MAGED1: variants seen among roughly 807,000 people sequenced by gnomAD.
MAGED1 encodes the protein melanoma-associated antigen D1.
Under a neutral mutation model 54.1 loss-of-function variants are expected in MAGED1, and 3 were observed. The ratio of observed to expected loss-of-function variants is 0.06; its 90% confidence interval spans 0.03 to 0.14. The LOEUF (loss-of-function observed/expected upper bound fraction) is 0.14, where lower values mean the gene tolerates loss of function less well. Among genes scored for constraint, MAGED1 ranks in the 10% least tolerant of loss-of-function variants. MAGED1 has a pLI of 1.00. For missense variants in MAGED1, 485 were observed against 623.4 expected (o/e 0.78, Z 2.36); for synonymous variants, 217 against 227.3 (o/e 0.95, Z 0.41).
intron 1 of MAGED1, among the ~76,000 whole-genome samples, chrX:51,805,518 G>A (rs1371560778): frequency 2.7e-5 from 3 of 110,085 alleles, no homozygotes; most frequent in Admixed American, 9.8e-5. Context: ...GACAATCCGG[G>A]TATAGAAATT....
chrX:51,842,554 A>C (rs1165233655), intron 1 of MAGED1, among the ~76,000 whole-genome samples: 1 of 111,842 alleles, frequency 8.9e-6, no homozygotes, highest in Non-Finnish European at 1.9e-5. Context: ...CTATGAGATG[A>C]GGTCAGGCTA....
chrX:51,898,420 G>A (rs782529572), intron 9 of MAGED1, 93 bp downstream of exon 9: 2 of 1,083,787 alleles, frequency 1.8e-6, no homozygotes, highest in African/African-American at 3.7e-5. Context: ...GGGTCTGGAG[G>A]GTTTGGTTTG....
intron 1 of MAGED1, among the ~76,000 whole-genome samples, chrX:51,858,525 T>A (rs782554879): frequency 8.9e-6 from 1 of 112,176 alleles, no homozygotes; most frequent in South Asian, 3.7e-4. Flanking sequence ...AAAGATTTCA[T>A]TAATAACAAA....
intron 1 of MAGED1, among the ~76,000 whole-genome samples, chrX:51,814,273 C>T (rs1402134283): frequency 3.6e-5 from 4 of 111,616 alleles, no homozygotes; most frequent in African/African-American, 9.8e-5. Context: ...CTGCTGCTGC[C>T]GCTGCCGCTG....
chrX:51,843,118 T>C (rs782639180), intron 1 of MAGED1, among the ~76,000 whole-genome samples: 27 of 112,048 alleles, frequency 2.4e-4, no homozygotes, highest in African/African-American at 8.7e-4. Flanking sequence ...TTGTTGTCAA[T>C]TGAACACATT....
At chrX:51,822,731 A>G (rs1004579966) in intron 1 of MAGED1, among the ~76,000 whole-genome samples, 1 of 111,108 alleles carries the variant, frequency 9.0e-6, no homozygotes, top group Non-Finnish European at 1.9e-5. Context: ...TTGGTTTGCT[A>G]GTATTTTGTT....
intron 1 of MAGED1, among the ~76,000 whole-genome samples, chrX:51,837,646 C>T (rs1163268630): frequency 8.9e-6 from 1 of 112,021 alleles, no homozygotes; most frequent in African/African-American, 3.2e-5. Flanking sequence ...TATTATATGC[C>T]ATCTTTCAAA....
At chrX:51,824,862 CTGTG>C (rs58934297) in intron 1 of MAGED1, among the ~76,000 whole-genome samples, 812 of 72,630 alleles carry the variant, frequency 0.011, 6 homozygotes, top group Middle Eastern at 0.09. Flanking sequence ...TCTCAGAAAC[CTGTG>C]TGTGTGTGTG....
At chrX:51,819,460 G>A (rs1230255877) in intron 1 of MAGED1, among the ~76,000 whole-genome samples, 1 of 109,714 alleles carries the variant, frequency 9.1e-6, no homozygotes, top group South Asian at 4.0e-4. Flanking sequence ...CAGTCTCAAC[G>A]TCTAACCTAA....
chrX:51,836,737 A>G (rs1284086419), intron 1 of MAGED1, among the ~76,000 whole-genome samples: 4 of 109,301 alleles, frequency 3.7e-5, no homozygotes, highest in African/African-American at 1.3e-4. Context: ...ACGCCCGGCT[A>G]GTTTTTTTTG....
At chrX:51,829,527 AT>A (rs782552137) in intron 1 of MAGED1, among the ~76,000 whole-genome samples, 250 of 110,691 alleles carry the variant, frequency 2.3e-3, no homozygotes, top group Middle Eastern at 9.3e-3. Context: ...CAAAACTTTA[AT>A]TTTTAAAAAA....
Position 51,896,345 on chromosome X carries a change from T to C in MAGED1, c.754-64T>C, listed in dbSNP as rs1292511044. On this transcript the variant is annotated intron_variant, in intron 3 of 12. Coordinates refer to ENST00000326587, the MANE Select transcript of MAGED1 (RefSeq NM_006986.4). ...CAGGTGAGGGTTTAGAGGGCATTCC[T>C]GGAATAGATAAGGTGAGGACACAGA... The C allele has an allele frequency of 1.2e-5, 12 of 1,020,503 alleles. No individual in the cohort carries two copies. In the Admixed American group the frequency reaches 3.1e-4, roughly 26 times the overall value. 84.1% of individuals were successfully genotyped at this position (1,020,503 alleles called of 1,213,427 possible).
intron 1 of MAGED1, among the ~76,000 whole-genome samples, chrX:51,846,077 G>A (rs945962140): frequency 1.8e-5 from 2 of 111,615 alleles, no homozygotes; most frequent in Non-Finnish European, 3.8e-5. Flanking sequence ...TGCCCGGCCC[G>A]ATGTGAATCT....
In MAGED1 at chrX:51,848,407, G is replaced by A. The variant is rs782679333; in HGVS notation, c.-37+45290G>A. Among the ~76,000 whole-genome samples, 10 of 111,742 alleles carry A rather than the reference G, an allele frequency of 8.9e-5. No individual in the cohort carries two copies. The South Asian group carries it at 3.7e-3, about 42-fold the overall frequency. ...AGGATTCACAGAACTTACAAAAGCTGTTATACTCATGGTTACAATTTATTA... is the reference window on the plus strand; with the variant it reads ...AGGATTCACAGAACTTACAAAAGCTATTATACTCATGGTTACAATTTATTA... On this transcript the variant is annotated intron_variant, in intron 1 of 12. Coordinates refer to the MAGED1 transcript ENST00000375772.
chrX:51,859,082 G>A (rs1315063129), intron 1 of MAGED1, among the ~76,000 whole-genome samples: 1 of 110,971 alleles, frequency 9.0e-6, no homozygotes, highest in Non-Finnish European at 1.9e-5. Context: ...CCACCTTCTA[G>A]CTGTGTGACT....
chrX:51,886,799 A>C (rs1928248916), intron 1 of MAGED1, among the ~76,000 whole-genome samples: 2 of 111,530 alleles, frequency 1.8e-5, no homozygotes, highest in Non-Finnish European at 3.8e-5. Flanking sequence ...TCACACTTGT[A>C]ATCCCAGCAC....
chrX:51,825,424 A>G (rs1925820811), intron 1 of MAGED1, among the ~76,000 whole-genome samples: 1 of 112,361 alleles, frequency 8.9e-6, no homozygotes, highest in South Asian at 3.7e-4. Context: ...AAAATAGAAT[A>G]CTTGTTCAAA....
intron 1 of MAGED1, among the ~76,000 whole-genome samples, chrX:51,863,495 C>T (rs1169828951): frequency 6.3e-5 from 7 of 111,604 alleles, no homozygotes; most frequent in Non-Finnish European, 1.3e-4. Flanking sequence ...GGATATACAC[C>T]CAGAAGTGGA....
chrX:51,835,421 A>AT (rs1229183110), intron 1 of MAGED1, among the ~76,000 whole-genome samples: 3 of 110,997 alleles, frequency 2.7e-5, no homozygotes, highest in African/African-American at 9.8e-5. Context: ...CTCAAAGTAT[A>AT]TTTTTTATGG....
Sources: allele counts gnomAD v4.1 joint callset (sites outside exome capture counted in the v4.1 genomes callset), GRCh38; gene constraint gnomAD v4.1.1; transcripts MANE v1.5; gene names NCBI Gene and HGNC (gene_info 2026-07-23, HGNC 2026-07-21).